SPTB: variants seen among roughly 807,000 people sequenced by gnomAD.
The protein encoded by SPTB is spectrin beta, erythrocytic, also known as spectrin beta chain, erythrocytic.
In SPTB, 45 loss-of-function variants were observed where a neutral mutation model predicts 256.2. That is an observed-to-expected ratio of 0.18 (90% CI 0.14 to 0.23). SPTB has a LOEUF of 0.23. Among genes scored for constraint, SPTB ranks in the 10% least tolerant of loss-of-function variants. The pLI is 1.00. For missense variants in SPTB, 2,715 were observed against 3,040.4 expected (o/e 0.89, Z 2.52); for synonymous variants, 1,231 against 1,243.1 (o/e 0.99, Z 0.21).
chr14:64,752,205 A>C (rs1215236366), intron 33 of SPTB: 1 of 1,348,058 alleles, frequency 7.4e-7, no homozygotes, highest in African/African-American at 1.5e-5. Context: ...GAGCCGCTTC[A>C]CTCACACGTG....
At chr14:64,836,469 G>C (rs1249484372) in intron 1 of SPTB, among the ~76,000 whole-genome samples, 1 of 152,094 alleles carries the variant, frequency 6.6e-6, no homozygotes, top group African/African-American at 2.4e-5. Context: ...TCTCGGTACT[G>C]AGTTTGTGGG....
intron 8 of SPTB, among the ~76,000 whole-genome samples, chr14:64,800,394 G>A (rs142852803): frequency 1.3e-5 from 2 of 152,256 alleles, no homozygotes; most frequent in East Asian, 3.8e-4. Flanking sequence ...TGGCATGAGG[G>A]TCTATACCAA....
At chr14:64,821,506 C>T (rs775232808) in intron 2 of SPTB, among the ~76,000 whole-genome samples, 5 of 152,224 alleles carry the variant, frequency 3.3e-5, no homozygotes, top group Non-Finnish European at 5.9e-5. Context: ...CCTCTCCCTC[C>T]ACCTGGATCG....
intron 1 of SPTB, among the ~76,000 whole-genome samples, chr14:64,828,633 T>A (rs1566790771): frequency 6.6e-6 from 1 of 152,216 alleles, no homozygotes; most frequent in East Asian, 1.9e-4. Context: ...GGGCTTAATA[T>A]CTACATTTAC....
chr14:64,763,614 G>A, intron 32 of SPTB: 1 of 451,008 alleles, frequency 2.2e-6, no homozygotes, highest in Admixed American at 2.3e-5. Flanking sequence ...AGACTCAGGG[G>A]ATTAGGTGGT....
chr14:64,801,615 G>A (rs1157260671), intron 6 of SPTB, 139 bp downstream of exon 6: 4 of 976,788 alleles, frequency 4.1e-6, no homozygotes, highest in African/African-American at 1.6e-5. Context: ...GAAAGTGAAG[G>A]TGCTATGGGC....
intron 1 of SPTB, among the ~76,000 whole-genome samples, chr14:64,874,405 G>T (rs1882707377): frequency 6.6e-6 from 1 of 152,166 alleles, no homozygotes; most frequent in Non-Finnish European, 1.5e-5. Flanking sequence ...TGTGTCTTCA[G>T]CACATAACAG....
chr14:64,749,702 A>C lies in SPTB; in HGVS notation c.6777-6T>G. 6.2e-7 allele frequency: 1 copy of C among 1,613,680 alleles called. No homozygotes were observed. The highest frequency in any genetic ancestry group is 8.5e-7 in the Non-Finnish European group (1 of 1,179,882). ...ACTCGCTGCCATTACTCAGCCTAGG[A>C]GGACAAAGGGTTTCCTGTCATGGAG... On this transcript the variant is annotated splice_polypyrimidine_tract_variant and splice_region_variant and intron_variant, in intron 34 of 35. Coordinates refer to ENST00000644917, the MANE Select transcript of SPTB (RefSeq NM_001355436.2). The surrounding 1 kb of genome is among the most constrained non-coding windows in gnomAD (Gnocchi z 4.7).
chr14:64,767,657 G>A lies in SPTB; in HGVS notation c.6219+6C>T. 2 of 1,613,872 alleles carry A rather than the reference G, an allele frequency of 1.2e-6. No homozygotes were observed. The highest frequency in any genetic ancestry group is 1.7e-6 in the Non-Finnish European group (2 of 1,180,016). ...CCTGAGCCTCCCAGCACTGTTCCCT[G>A]CTCACCGTGGTGGGCTTCTCCAGGG... is the stretch of plus-strand genomic sequence containing the variant. On this transcript the variant is annotated splice_donor_region_variant and intron_variant, in intron 30 of 35. Transcript: ENST00000644917.
chr14:64,787,472 T>C (rs1594776270), intron 15 of SPTB, among the ~76,000 whole-genome samples: 1 of 152,112 alleles, frequency 6.6e-6, no homozygotes, highest in South Asian at 2.1e-4. Context: ...TTCAGGCAAA[T>C]ATACAATTTC....
Position 64,793,335 on chromosome 14 carries a change from C to T in SPTB, c.2328G>A (p.Gly776=). The T allele has an allele frequency of 6.2e-7, 1 of 1,610,338 alleles. No individual in the cohort carries two copies. The highest frequency in any genetic ancestry group is 8.5e-7 in the Non-Finnish European group (1 of 1,180,016). The change falls in exon 14 of 36, where the codon GGG becomes GGA. Residue 776 remains glycine (G), a synonymous_variant. Coordinates refer to ENST00000644917, the MANE Select transcript of SPTB (RefSeq NM_001355436.2). The surrounding 1 kb of genome is among the most constrained non-coding windows in gnomAD (Gnocchi z 7.0). ...GCTTTTTCCCCAGGGCCCGCGTGGCCCCTTCGTCCTGCCCCACATCTTCAC... is the reference window on the plus strand; with the variant it reads ...GCTTTTTCCCCAGGGCCCGCGTGGCTCCTTCGTCCTGCCCCACATCTTCAC... ...LSGEDVGQDE[G]ATRALGKKHK...
rs2083813768 is a variant in SPTB at position 64,853,183 on chromosome 14, T to C, written c.-52+26609A>G. Reference sequence around the variant, plus strand: ...GATATCTGGGTGGAAATGCTTAACCTGAGGCTGGGTACCCAAGTCCTGAAC... The same window carrying C: ...GATATCTGGGTGGAAATGCTTAACCCGAGGCTGGGTACCCAAGTCCTGAAC... On this transcript the variant is annotated intron_variant, in intron 1 of 35. Transcript: ENST00000644917. This position sits in a 1 kb window ranked among gnomAD's most constrained non-coding sequence, Gnocchi z 4.3. Among the ~76,000 whole-genome samples the C allele has an allele frequency of 6.6e-6, 1 of 152,166 alleles. No homozygotes were observed. Among genetic ancestry groups the C allele is most frequent in the Non-Finnish European group, 1.5e-5 (1 of 68,040 alleles).
chr14:64,855,689 T>C (rs1322294355), intron 1 of SPTB, among the ~76,000 whole-genome samples: 2 of 152,142 alleles, frequency 1.3e-5, no homozygotes, highest in Non-Finnish European at 2.9e-5. Context: ...CTCTTGTTGA[T>C]ATTGGAACCA....
intron 33 of SPTB, among the ~76,000 whole-genome samples, chr14:64,752,775 A>G (rs2081970257): frequency 6.6e-6 from 1 of 152,150 alleles, no homozygotes; most frequent in African/African-American, 2.4e-5. Flanking sequence ...CCCCAGACAC[A>G]TCCTGCATGC....
intron 33 of SPTB, among the ~76,000 whole-genome samples, chr14:64,751,096 CATA>C: frequency 6.9e-6 from 1 of 144,488 alleles, no homozygotes; most frequent in Non-Finnish European, 1.5e-5. Context: ...ATATATTATA[CATA>C]ATATATATAA....
At chr14:64,821,496 C>CG (rs2083286233) in intron 2 of SPTB, among the ~76,000 whole-genome samples, 1 of 152,198 alleles carries the variant, frequency 6.6e-6, no homozygotes, top group Non-Finnish European at 1.5e-5. Flanking sequence ...ATATGGTACC[C>CG]CTCTCCCTCC....
At chr14:64,750,883 T>C (rs2081936390) in intron 33 of SPTB, among the ~76,000 whole-genome samples, 3 of 146,410 alleles carry the variant, frequency 2.0e-5, no homozygotes, top group South Asian at 2.1e-4. Flanking sequence ...ATGTATAATA[T>C]ATATTTATAT....
In SPTB at chr14:64,791,736, C is replaced by G. The variant is rs1404767677; in HGVS notation, c.2787G>C (p.Gln929His). The change falls in exon 15 of 36, where the codon CAG becomes CAC. Residue 929 changes from glutamine to histidine, a missense_variant. Coordinates refer to ENST00000644917, the MANE Select transcript of SPTB (RefSeq NM_001355436.2). ...CACCCCACCTGGTGTTCAGATGGTC[C>G]TGGTACTGCTTCACCTCCCTGCTGC... ...HPRSREVKQY[Q>H]DHLNTRWQAF... is the part of the protein sequence containing the mutation. The G allele has an allele frequency of 6.2e-7, 1 of 1,614,040 alleles. No homozygotes were observed. Among genetic ancestry groups the G allele is most frequent in the Non-Finnish European group, 8.5e-7 (1 of 1,180,036 alleles).
intron 2 of SPTB, 147 bp downstream of exon 2, chr14:64,822,800 C>G (rs932349409): frequency 7.9e-7 from 1 of 1,265,738 alleles, no homozygotes; most frequent in Non-Finnish European, 1.1e-6. Context: ...AAGGGGACCC[C>G]CACCTCCCTG....
Sources: allele counts gnomAD v4.1 joint callset (sites outside exome capture counted in the v4.1 genomes callset), GRCh38; gene constraint gnomAD v4.1.1; non-coding constraint Gnocchi (gnomAD v3.1); transcripts MANE v1.5; gene names NCBI Gene and HGNC (gene_info 2026-07-23, HGNC 2026-07-21).